KDM3B: variants seen among roughly 807,000 people sequenced by gnomAD.
KDM3B encodes lysine demethylase 3B.
In KDM3B, 10 loss-of-function variants were observed where a neutral mutation model predicts 170.0. That is an observed-to-expected ratio of 0.06 (90% CI 0.04 to 0.10). KDM3B has a LOEUF of 0.10. Among genes scored for constraint, KDM3B ranks in the 10% least tolerant of loss-of-function variants. The pLI is 1.00. For synonymous variants in KDM3B, 831 were observed against 834.8 expected, an observed-to-expected ratio of 1.00 and a Z score of 0.08; for missense variants, 1,394 against 2,195.2, an observed-to-expected ratio of 0.64 and a Z score of 7.29.
intron 20 of KDM3B, among the ~76,000 whole-genome samples, chr5:138,428,589 G>A (rs1338660515): frequency 6.6e-6 from 1 of 152,132 alleles, no homozygotes; most frequent in Admixed American, 6.6e-5. Context: ...CCCAGTGGAT[G>A]TTGCTAGATA....
chr5:138,423,973 G>C, intron 15 of KDM3B, 102 bp from the exon 16 acceptor site: 1 of 1,119,544 alleles, frequency 8.9e-7, no homozygotes, highest in Non-Finnish European at 1.2e-6. Flanking sequence ...AATTTAATCA[G>C]ACAGGTCAGA....
intron 3 of KDM3B, among the ~76,000 whole-genome samples, chr5:138,375,419 C>T (rs1761973065): frequency 6.6e-6 from 1 of 151,742 alleles, no homozygotes; most frequent in African/African-American, 2.4e-5. Context: ...GATATGTCCC[C>T]CAAGCTGGAG....
At chr5:138,416,372 T>C (rs954551718) in intron 12 of KDM3B, among the ~76,000 whole-genome samples, 8 of 151,904 alleles carry the variant, frequency 5.3e-5, no homozygotes, top group Non-Finnish European at 7.4e-5. Flanking sequence ...GGTGAATCAC[T>C]TGAGGTCAGG....
chr5:138,431,517 G>A lies in KDM3B; in HGVS notation c.5163G>A (p.Arg1721=). The A allele has an allele frequency of 6.2e-7, 1 of 1,612,034 alleles. No individual in the cohort carries two copies. Residue 1721 remains arginine (R), a synonymous_variant, in exon 23 of 24, where the codon AGG becomes AGA. Transcript: ENST00000314358. ...GTTTCCGCCTGACTCAGGAATTCAGGCATCTCTCTAACACTCATACAAATC... is the reference window on the plus strand; with the variant it reads ...GTTTCCGCCTGACTCAGGAATTCAGACATCTCTCTAACACTCATACAAATC... The part of the protein sequence containing the change: ...KHCFRLTQEF[R]HLSNTHTNHE...
intron 1 of KDM3B, among the ~76,000 whole-genome samples, chr5:138,360,793 T>G (rs996950584): frequency 1.3e-5 from 2 of 152,120 alleles, no homozygotes; most frequent in Non-Finnish European, 2.9e-5. Flanking sequence ...GGTTTTACCA[T>G]GTTGGCCAGG....
chr5:138,416,967 C>T (rs553721586), intron 12 of KDM3B, among the ~76,000 whole-genome samples: 2 of 152,244 alleles, frequency 1.3e-5, no homozygotes, highest in Admixed American at 6.5e-5. Flanking sequence ...ATTACAGGCA[C>T]GCACCATCAT....
chr5:138,363,481 G>A (rs1440947023), intron 1 of KDM3B, among the ~76,000 whole-genome samples: 1 of 152,124 alleles, frequency 6.6e-6, no homozygotes, highest in Non-Finnish European at 1.5e-5. Context: ...GAAGCATTTG[G>A]TGTTTTCTTT....
At chr5:138,388,107 C>T (rs1762329430) in intron 7 of KDM3B, among the ~76,000 whole-genome samples, 1 of 152,004 alleles carries the variant, frequency 6.6e-6, no homozygotes, top group Non-Finnish European at 1.5e-5. Context: ...ACAAAAACAA[C>T]TCCATGTCAA....
At chr5:138,377,665 A>T in intron 3 of KDM3B, 55 bp from the exon 4 acceptor site, 1 of 1,230,976 alleles carries the variant, frequency 8.1e-7, no homozygotes, top group Non-Finnish European at 1.2e-6. Flanking sequence ...TCAGCTGATT[A>T]GATGTTTGCT....
At chr5:138,433,677 G>A (rs1295842101) in intron 23 of KDM3B, among the ~76,000 whole-genome samples, 1 of 151,892 alleles carries the variant, frequency 6.6e-6, no homozygotes, top group East Asian at 1.9e-4. Flanking sequence ...CCAAAGCGCT[G>A]GAATTACAGG....
intron 1 of KDM3B, among the ~76,000 whole-genome samples, chr5:138,367,213 G>A (rs1167471151): frequency 6.6e-6 from 1 of 152,000 alleles, no homozygotes; most frequent in Non-Finnish European, 1.5e-5. Context: ...CTCTCTGTTG[G>A]GCTCATCTAG....
In KDM3B at chr5:138,391,783, C is replaced by T. The variant is rs948557628; in HGVS notation, c.2151C>T (p.Leu717=). 1 of 1,614,112 alleles carries T rather than the reference C, an allele frequency of 6.2e-7. No homozygotes were observed. The highest frequency in any genetic ancestry group is 8.5e-7 in the Non-Finnish European group (1 of 1,180,016). The change falls in exon 8 of 24, where the codon CTC becomes CTT. Residue 717 remains leucine, a synonymous_variant. Coordinates refer to ENST00000314358, the MANE Select transcript of KDM3B (RefSeq NM_016604.4). This position sits in a 1 kb window ranked among gnomAD's most constrained non-coding sequence, Gnocchi z 5.0. ...CTCTTACCAGTGGGGGCCCAAGCCT[C>T]TCTGCCATGGGGAATGGCCGCTCCA... ...GSALTSGGPS[L]SAMGNGRSSS...
At chr5:138,396,262 A>T in intron 9 of KDM3B, among the ~76,000 whole-genome samples, 1 of 151,964 alleles carries the variant, frequency 6.6e-6, no homozygotes, top group Non-Finnish European at 1.5e-5. Context: ...CACCCAGCTA[A>T]TTTTTTATAT....
chr5:138,405,435 G>T (rs1349561721), intron 11 of KDM3B, among the ~76,000 whole-genome samples: 6 of 152,128 alleles, frequency 3.9e-5, no homozygotes, highest in Non-Finnish European at 8.8e-5. Flanking sequence ...TGAGCTGAGA[G>T]GTTGAGGCCG....
chr5:138,411,629 C>T (rs2126979168), intron 11 of KDM3B, among the ~76,000 whole-genome samples: 1 of 151,698 alleles, frequency 6.6e-6, no homozygotes, highest in South Asian at 2.1e-4. Flanking sequence ...TGTATCCTTG[C>T]ACTAAAGAAA....
chr5:138,425,827 GA>G (rs1282914609), intron 17 of KDM3B: 1 of 321,590 alleles, frequency 3.1e-6, no homozygotes, highest in East Asian at 5.7e-5. Context: ...CCAACTTAGC[GA>G]AACCCCACCT....
chr5:138,435,084 G>T (rs952764987), intron 23 of KDM3B, among the ~76,000 whole-genome samples: 1 of 151,900 alleles, frequency 6.6e-6, no homozygotes, highest in Admixed American at 6.6e-5. Flanking sequence ...AACTTTTATT[G>T]TGTGTTCCAA....
chr5:138,387,219 GTTGCTAAAA>G (rs1430877227), intron 7 of KDM3B, among the ~76,000 whole-genome samples: 2 of 152,030 alleles, frequency 1.3e-5, no homozygotes, highest in Non-Finnish European at 2.9e-5. Flanking sequence ...TGCATATATT[GTTGCTAAAA>G]TGGAACCTCT....
At position 138,375,192 on chromosome 5, in the gene KDM3B, T is replaced by C. The variant is rs371601040; in HGVS notation, c.460T>C (p.Leu154=). 3.0e-5 allele frequency: 48 copies of C among 1,609,196 alleles called. No individual in the cohort carries two copies. Among genetic ancestry groups the C allele is most frequent in the Non-Finnish European group, 3.8e-5 (45 of 1,175,566 alleles). Residue 154 remains leucine (L), a synonymous_variant, in exon 3 of 24, where the codon TTG becomes CTG. Transcript: ENST00000314358. ...TCGGTTCCTGTCAGATGCCAATGGGTTGCATCTGTTTCAGGTATTTAACAC... is the reference window on the plus strand; with the variant it reads ...TCGGTTCCTGTCAGATGCCAATGGGCTGCATCTGTTTCAGGTATTTAACAC... ...ELRFLSDANG[L]HLFQMGTDSQ...
Sources: allele counts gnomAD v4.1 joint callset (sites outside exome capture counted in the v4.1 genomes callset), GRCh38; gene constraint gnomAD v4.1.1; non-coding constraint Gnocchi (gnomAD v3.1); transcripts MANE v1.5; gene names NCBI Gene and HGNC (gene_info 2026-07-23, HGNC 2026-07-21).